The following NAA16 variants were observed in gnomAD, a reference collection of about 807,000 sequenced individuals.
The protein encoded by NAA16 is N-alpha-acetyltransferase 16, NatA auxiliary subunit.
Under a neutral mutation model 110.3 loss-of-function variants are expected in NAA16, and 97 were observed. That is an observed-to-expected ratio of 0.88 (90% CI 0.75 to 1.04). NAA16 has a LOEUF of 1.04. Among genes scored for constraint, NAA16 ranks in the 50% least tolerant of loss-of-function variants. The pLI is 0.00. For synonymous variants in NAA16, 372 were observed against 330.6 expected (o/e 1.13, Z -1.36); for missense variants, 1,017 against 1,005.1 (o/e 1.01, Z -0.16).
At chr13:41,358,701 G>A (rs539696641) in intron 11 of NAA16, 109 bp from the exon 12 acceptor site, 2 of 1,449,872 alleles carry the variant, frequency 1.4e-6, no homozygotes, top group South Asian at 3.1e-5. Context: ...AAATAAATTT[G>A]ACAGAAATGG....
At chr13:41,366,888 C>T (rs1479282445) in intron 13 of NAA16, among the ~76,000 whole-genome samples, 1 of 152,164 alleles carries the variant, frequency 6.6e-6, no homozygotes, top group African/African-American at 2.4e-5. Context: ...TTCAGGGTCG[C>T]ATCCCTAATA....
rs375046089 is a variant in NAA16 at position 41,358,056 on chromosome 13, C to G, written c.1088-248C>G. ...AATTAGTTTGACGTATATCTTTTCC[C>G]CAGCATTGTTTCTTTGGAGTGAGAT... On this transcript the variant is annotated intron_variant, in intron 10 of 19. Coordinates refer to ENST00000379406, the MANE Select transcript of NAA16 (RefSeq NM_024561.5). 3.5e-4 allele frequency among the ~76,000 whole-genome samples: 53 copies of G among 152,224 alleles called. 1 individual carries two copies. The highest frequency in any genetic ancestry group is 1.1e-3 in the African/African-American group (44 of 41,538).
chr13:41,327,945 C>T (rs2042136662), intron 6 of NAA16: 1 of 151,904 alleles, frequency 6.6e-6, no homozygotes. Context: ...TATACTGCCT[C>T]CTCCAACATG....
intron 9 of NAA16, among the ~76,000 whole-genome samples, chr13:41,340,751 A>T (rs2042520482): frequency 7.7e-6 from 1 of 129,582 alleles, no homozygotes; most frequent in Non-Finnish European, 1.5e-5. Context: ...ATCTCGGCTC[A>T]CTGCAAGCTC....
chr13:41,355,117 A>AAAT, intron 9 of NAA16, 27 bp from the exon 10 acceptor site: 1 of 1,410,818 alleles, frequency 7.1e-7, no homozygotes, highest in South Asian at 1.3e-5. Flanking sequence ...GATATTTTTA[A>AAAT]ATTTTAAAAA....
At chr13:41,355,563 G>A (rs1368105808) in intron 10 of NAA16, among the ~76,000 whole-genome samples, 1 of 152,152 alleles carries the variant, frequency 6.6e-6, no homozygotes, top group Non-Finnish European at 1.5e-5. Context: ...CTGAGTAGCT[G>A]GGATTACAGG....
At chr13:41,358,191 T>G in intron 10 of NAA16, 113 bp from the exon 11 acceptor site, 2 of 927,962 alleles carry the variant, frequency 2.2e-6, no homozygotes, top group Non-Finnish European at 1.6e-6. Context: ...TTTTGCTGAG[T>G]CTTTCTTGCT....
At chr13:41,365,644 G>A (rs1191506409) in intron 13 of NAA16, among the ~76,000 whole-genome samples, 2 of 152,172 alleles carry the variant, frequency 1.3e-5, no homozygotes, top group Non-Finnish European at 2.9e-5. Context: ...GGCTGAGTGG[G>A]TTCGCAAGAC....
intron 9 of NAA16, among the ~76,000 whole-genome samples, chr13:41,339,659 A>G (rs1445915786): frequency 1.3e-5 from 2 of 151,618 alleles, no homozygotes; most frequent in Non-Finnish European, 2.9e-5. Context: ...CCGGGTTCAA[A>G]CGATTCTCCT....
intron 13 of NAA16, chr13:41,362,824 A>G (rs1317473247): frequency 1.2e-5 from 15 of 1,289,284 alleles, no homozygotes; most frequent in Non-Finnish European, 1.3e-5. Context: ...GGCAATCGGC[A>G]CCACTGTTCC....
chr13:41,372,225 C>T lies in NAA16; in HGVS notation c.1970C>T (p.Ala657Val). The T allele has an allele frequency of 6.3e-7, 1 of 1,575,304 alleles. No individual in the cohort carries two copies. The highest frequency in any genetic ancestry group is 8.6e-7 in the Non-Finnish European group (1 of 1,163,154). Residue 657 changes from alanine to valine, a missense_variant, in exon 16 of 20, where the codon GCC becomes GTC. Physicochemically the swap from Ala to Val is moderately conservative, Grantham distance 64. Coordinates refer to ENST00000379406, the MANE Select transcript of NAA16 (RefSeq NM_024561.5). ...TAGGTAGAAAATCCATTAGAGGAAG[C>T]CGTTAAGTTCCTTATACCTCTTAAG... ...LERVENPLEE[A>V]VKFLIPLKNL...
At chr13:41,332,647 A>G (rs2042270363) in intron 8 of NAA16, among the ~76,000 whole-genome samples, 2 of 152,192 alleles carry the variant, frequency 1.3e-5, no homozygotes, top group Non-Finnish European at 2.9e-5. Flanking sequence ...TTTTGACACA[A>G]GTCAGAGTCT....
chr13:41,331,405 T>G, intron 8 of NAA16, 36 bp downstream of exon 8: 1 of 1,349,652 alleles, frequency 7.4e-7, no homozygotes, highest in East Asian at 2.3e-5. Context: ...ATTAATTATT[T>G]GTCAGAATTA....
At chr13:41,358,114 T>C (rs1163548491) in intron 10 of NAA16, among the ~76,000 whole-genome samples, 190 bp from the exon 11 acceptor site, 1 of 152,198 alleles carries the variant, frequency 6.6e-6, no homozygotes, top group Non-Finnish European at 1.5e-5. Flanking sequence ...TACAATCTTA[T>C]TTCTCTACAT....
chr13:41,355,047 A>G (rs1369446900), intron 9 of NAA16, 97 bp from the exon 10 acceptor site: 7 of 713,910 alleles, frequency 9.8e-6, no homozygotes, highest in Admixed American at 2.6e-5. Context: ...TAGTTCTGAA[A>G]TAAGCTGTAT....
intron 14 of NAA16, among the ~76,000 whole-genome samples, chr13:41,368,430 T>C (rs770208337): frequency 5.3e-5 from 8 of 152,144 alleles, no homozygotes; most frequent in Non-Finnish European, 1.2e-4. Flanking sequence ...TGGAGTCATA[T>C]ATTGTGTAGG....
intron 15 of NAA16, 124 bp from the exon 16 acceptor site, chr13:41,372,079 T>C (rs913975624): frequency 1.3e-6 from 1 of 787,920 alleles, no homozygotes; most frequent in Non-Finnish European, 1.8e-6. Context: ...AATGTTTTCT[T>C]GTTATTTGGT....
At chr13:41,331,248 A>G (rs1478618754) in intron 7 of NAA16, 26 bp from the exon 8 acceptor site, 2 of 1,401,912 alleles carry the variant, frequency 1.4e-6, no homozygotes, top group Non-Finnish European at 2.0e-6. Context: ...GATGCTATGA[A>G]TCTCACCCAT....
At chr13:41,334,575 A>G (rs138875373) in intron 8 of NAA16, among the ~76,000 whole-genome samples, 79 of 152,330 alleles carry the variant, frequency 5.2e-4, no homozygotes, top group African/African-American at 1.8e-3. Context: ...GATGAGAATT[A>G]TTCAGGTAAC....
Sources: gnomAD v4.1 joint callset for allele counts (sites outside exome capture counted in the v4.1 genomes callset) on GRCh38, gnomAD v4.1.1 for gene constraint, MANE v1.5 for transcripts, NCBI Gene and HGNC (gene_info 2026-07-23, HGNC 2026-07-21) for gene names.